CACNA1E: variants seen among roughly 807,000 people sequenced by gnomAD.
CACNA1E encodes calcium voltage-gated channel subunit alpha1 E, also known as voltage-dependent R-type calcium channel subunit alpha-1E.
In CACNA1E, 40 loss-of-function variants were observed where a neutral mutation model predicts 259.2. The ratio of observed to expected loss-of-function variants is 0.15; its 90% CI spans 0.12 to 0.20. The LOEUF is 0.20. Among genes scored for constraint, CACNA1E ranks in the 10% least tolerant of loss-of-function variants. CACNA1E has a pLI of 1.00. For synonymous variants in CACNA1E, 1,104 were observed against 1,138.5 expected, an observed-to-expected ratio of 0.97 and a Z score of 0.61; for missense variants, 1,874 against 3,040.1, an observed-to-expected ratio of 0.62 and a Z score of 9.02.
At chr1:181,585,931 G>A (rs1652015146) in intron 6 of CACNA1E, among the ~76,000 whole-genome samples, 4 of 152,292 alleles carry the variant, frequency 2.6e-5, no homozygotes, top group South Asian at 2.1e-4. Context: ...GCAATGGAGG[G>A]TTTTGAGGAA....
intron 2 of CACNA1E, among the ~76,000 whole-genome samples, chr1:181,429,998 TCC>T (rs1198612814): frequency 6.6e-6 from 1 of 152,146 alleles, no homozygotes; most frequent in Non-Finnish European, 1.5e-5. Flanking sequence ...CAGGAGCAAA[TCC>T]CCCTATCTCC....
At chr1:181,729,591 G>A (rs1655276600) in intron 18 of CACNA1E, among the ~76,000 whole-genome samples, 1 of 152,236 alleles carries the variant, frequency 6.6e-6, no homozygotes, top group South Asian at 2.1e-4. Context: ...TCTTTGAAAT[G>A]AGAAGAATGC....
chr1:181,716,219 G>T, intron 10 of CACNA1E, 90 bp downstream of exon 10: 1 of 680,584 alleles, frequency 1.5e-6, no homozygotes, highest in Non-Finnish European at 2.4e-6. Flanking sequence ...AGGAGGGAAA[G>T]AATCCAAAGG....
intron 1 of CACNA1E, among the ~76,000 whole-genome samples, chr1:181,397,192 C>T (rs912930633): frequency 2.0e-5 from 3 of 152,280 alleles, no homozygotes; most frequent in Middle Eastern, 3.4e-3. Flanking sequence ...GAGCATCAGT[C>T]CTCACTGATG....
chr1:181,476,690 C>G (rs1662874481), intron 2 of CACNA1E, among the ~76,000 whole-genome samples: 1 of 152,174 alleles, frequency 6.6e-6, no homozygotes, highest in Non-Finnish European at 1.5e-5. Context: ...CTGAGCCCAC[C>G]CGGGCTGAAC....
intron 1 of CACNA1E, among the ~76,000 whole-genome samples, chr1:181,341,632 A>T (rs577928530): frequency 5.6e-4 from 85 of 152,272 alleles, no homozygotes; most frequent in African/African-American, 2.0e-3. Context: ...GCATGGGCCC[A>T]ACATGAAACC....
At chr1:181,401,754 T>C (rs1026901755) in intron 1 of CACNA1E, among the ~76,000 whole-genome samples, 2 of 152,228 alleles carry the variant, frequency 1.3e-5, no homozygotes, top group African/African-American at 4.8e-5. Flanking sequence ...GCTAAAATGC[T>C]TGAAAGATGT....
In CACNA1E at chr1:181,682,690, C is replaced by A. The variant is rs199509901; in HGVS notation, c.1056-28264C>A. On this transcript the variant is annotated intron_variant, in intron 7 of 47. Coordinates refer to ENST00000367573, the MANE Select transcript of CACNA1E (RefSeq NM_001205293.3). ...TTCTGGGGAGGCCTCAAGAAACTTA[C>A]AATTGTGGCAGAAGTTAAAGCAGGA... 3.3e-5 allele frequency among the ~76,000 whole-genome samples: 5 copies of A among 152,258 alleles called. No homozygotes were observed. The East Asian group carries it at 7.7e-4, about 23-fold the overall frequency.
intron 30 of CACNA1E, among the ~76,000 whole-genome samples, chr1:181,757,480 C>T (rs995582519): frequency 1.3e-5 from 2 of 152,186 alleles, no homozygotes; most frequent in East Asian, 3.9e-4. Flanking sequence ...GCAGCTTTTC[C>T]AGCAACAAGC....
At chr1:181,779,400 C>G (rs1368906484) in intron 38 of CACNA1E, 1 of 405,264 alleles carries the variant, frequency 2.5e-6, no homozygotes. Flanking sequence ...CTTTTCTACC[C>G]TTCTCTGAGT....
intron 2 of CACNA1E, among the ~76,000 whole-genome samples, chr1:181,441,929 G>A (rs1437376254): frequency 6.6e-6 from 1 of 152,166 alleles, no homozygotes; most frequent in Non-Finnish European, 1.5e-5. Flanking sequence ...GAGGGGAGCC[G>A]AGAGTTAGAA....
intron 1 of CACNA1E, among the ~76,000 whole-genome samples, chr1:181,486,819 G>A (rs1190313070): frequency 6.7e-6 from 1 of 150,230 alleles, no homozygotes; most frequent in Non-Finnish European, 1.5e-5. Context: ...AGGGGTCTTA[G>A]TTCAGGTGAA....
At chr1:181,476,693 G>GGCTGA (rs1662875017) in intron 2 of CACNA1E, among the ~76,000 whole-genome samples, 2 of 152,192 alleles carry the variant, frequency 1.3e-5, no homozygotes, top group African/African-American at 4.8e-5. Context: ...AGCCCACCCG[G>GGCTGA]GCTGAACGAG....
chr1:181,758,228 T>C lies in CACNA1E; in HGVS notation c.4494+117T>C. 1 of 936,666 alleles carries C rather than the reference T, an allele frequency of 1.1e-6. No homozygotes were observed. The highest frequency in any genetic ancestry group is 1.6e-6 in the Non-Finnish European group (1 of 621,730). The allele number at this position is 936,666 out of a possible 1,614,324, so 58.0% of individuals were successfully genotyped here. ...ACTGCTTTACCTACTTTTCCATCAT[T>C]GAATCCTTTTGTGATCTTATTTTGT... On this transcript the variant is annotated intron_variant, in intron 31 of 47. Coordinates refer to ENST00000367573, the MANE Select transcript of CACNA1E (RefSeq NM_001205293.3). The surrounding 1 kb of genome is among the most constrained non-coding windows in gnomAD (Gnocchi z 4.2).
intron 7 of CACNA1E, among the ~76,000 whole-genome samples, chr1:181,683,265 G>T (rs1227833789): frequency 6.6e-6 from 1 of 152,194 alleles, no homozygotes; most frequent in Non-Finnish European, 1.5e-5. Flanking sequence ...AAAAGAACCA[G>T]TTCCCACAGG....
chr1:181,737,912 G>T (rs980010716), intron 23 of CACNA1E, among the ~76,000 whole-genome samples: 23 of 152,224 alleles, frequency 1.5e-4, no homozygotes, highest in Non-Finnish European at 1.3e-4. Flanking sequence ...TTGGATGTGG[G>T]TCTAATATAG....
intron 2 of CACNA1E, among the ~76,000 whole-genome samples, chr1:181,477,303 C>T (rs1357578081): frequency 1.3e-5 from 2 of 152,162 alleles, no homozygotes; most frequent in Admixed American, 6.5e-5. Flanking sequence ...TCTGTTGTCT[C>T]CCAGTACTCT....
intron 21 of CACNA1E, 148 bp downstream of exon 21, chr1:181,733,898 G>A (rs1446619930): frequency 1.7e-6 from 1 of 582,100 alleles, no homozygotes; most frequent in East Asian, 3.4e-5. Context: ...TTCTCCCAGT[G>A]TGCAGAACAA....
At chr1:181,754,743 A>C (rs535023059) in intron 27 of CACNA1E, among the ~76,000 whole-genome samples, 1 of 152,382 alleles carries the variant, frequency 6.6e-6, no homozygotes, top group South Asian at 2.1e-4. Flanking sequence ...TGAAATGAAC[A>C]AAGATGATAG....
Sources: allele counts gnomAD v4.1 joint callset (sites outside exome capture counted in the v4.1 genomes callset), GRCh38; gene constraint gnomAD v4.1.1; non-coding constraint Gnocchi (gnomAD v3.1); transcripts MANE v1.5; gene names NCBI Gene and HGNC (gene_info 2026-07-23, HGNC 2026-07-21).